Variants in LIN9 observed in about 807,000 individuals in gnomAD.
The protein encoded by LIN9 is protein lin-9 homolog.
LIN9 carries 18 observed loss-of-function variants against 78.0 expected under a neutral mutation model. That is an observed-to-expected ratio of 0.23 (90% CI 0.16 to 0.34). LIN9 has a LOEUF of 0.34. Among genes scored for constraint, LIN9 ranks in the 10% least tolerant of loss-of-function variants. The pLI is 1.00. For missense variants in LIN9, 451 were observed against 644.1 expected (o/e 0.70, Z 3.25); for synonymous variants, 192 against 215.2 (o/e 0.89, Z 0.94).
intron 6 of LIN9, among the ~76,000 whole-genome samples, chr1:226,280,788 A>G (rs186817432): frequency 1.3e-5 from 2 of 152,242 alleles, no homozygotes; most frequent in Admixed American, 6.5e-5. Context: ...ACAAACACAT[A>G]AACAAAAAAA....
chr1:226,266,080 A>C (rs1405038913), intron 9 of LIN9, 133 bp downstream of exon 9: 2 of 449,720 alleles, frequency 4.4e-6, no homozygotes, highest in Admixed American at 4.3e-5. Flanking sequence ...GCAACTATTT[A>C]TTTTATTTAA....
intron 8 of LIN9, among the ~76,000 whole-genome samples, chr1:226,267,422 C>CA (rs10679567): frequency 0.27 from 24,423 of 91,272 alleles, 3,626 homozygotes; most frequent in South Asian, 0.37. Context: ...GACTCCGTCT[C>CA]AAAAAAAAAA....
intron 10 of LIN9, among the ~76,000 whole-genome samples, chr1:226,259,992 C>G (rs1659465771): frequency 6.6e-6 from 1 of 151,718 alleles, no homozygotes; most frequent in African/African-American, 2.4e-5. Context: ...TTAAAAAGAT[C>G]AATGATACTG....
intron 7 of LIN9, among the ~76,000 whole-genome samples, chr1:226,269,316 G>A (rs999956495): frequency 2.0e-5 from 3 of 152,138 alleles, no homozygotes; most frequent in Non-Finnish European, 4.4e-5. Context: ...TGTAAATAAT[G>A]AAGCTGAGTA....
At chr1:226,255,779 G>A (rs1659150759) in intron 10 of LIN9, among the ~76,000 whole-genome samples, 1 of 151,662 alleles carries the variant, frequency 6.6e-6, no homozygotes, top group Non-Finnish European at 1.5e-5. Flanking sequence ...CTCAGAAGAG[G>A]ATATATTAAT....
chr1:226,271,192 A>C (rs1324742703), intron 7 of LIN9, among the ~76,000 whole-genome samples: 1 of 152,220 alleles, frequency 6.6e-6, no homozygotes, highest in African/African-American at 2.4e-5. Flanking sequence ...CTTCTCTACT[A>C]TTCAAATTTT....
intron 6 of LIN9, among the ~76,000 whole-genome samples, chr1:226,279,116 G>A (rs535279778): frequency 1.3e-5 from 2 of 151,724 alleles, no homozygotes; most frequent in South Asian, 2.1e-4. Flanking sequence ...AGCCAAGATC[G>A]TGCCACTGCG....
intron 11 of LIN9, among the ~76,000 whole-genome samples, chr1:226,245,029 T>G (rs1658377246): frequency 6.6e-6 from 1 of 152,184 alleles, no homozygotes; most frequent in Non-Finnish European, 1.5e-5. Context: ...ATCAAAGGAT[T>G]TGAGCATTTT....
intron 7 of LIN9, among the ~76,000 whole-genome samples, chr1:226,274,295 C>G (rs1660491569): frequency 6.6e-6 from 1 of 152,160 alleles, no homozygotes; most frequent in African/African-American, 2.4e-5. Context: ...TAAAAAAGTT[C>G]CTTTCAGTCT....
chr1:226,238,321 G>A (rs1657870542), intron 12 of LIN9, among the ~76,000 whole-genome samples: 1 of 152,108 alleles, frequency 6.6e-6, no homozygotes, highest in Non-Finnish European at 1.5e-5. Context: ...AAAAGACTAA[G>A]AAGAAATAAA....
At chr1:226,254,931 A>AG (rs1236157043) in intron 10 of LIN9, among the ~76,000 whole-genome samples, 2 of 151,450 alleles carry the variant, frequency 1.3e-5, no homozygotes, top group Admixed American at 6.6e-5. Flanking sequence ...AAAAAAAAAA[A>AG]AGTCAACGAC....
chr1:226,295,860 C>A lies in LIN9; in HGVS notation c.246G>T (p.Arg82Ser), dbSNP rs771126333. The change falls in exon 4 of 15, where the codon AGG (arginine) becomes AGT (serine). Residue 82 changes from arginine (R) to serine (S), a missense_variant. Physicochemically the swap from Arg to Ser is moderately radical, Grantham distance 110 (BLOSUM62 -1). Coordinates refer to ENST00000681046, the MANE Select transcript of LIN9 (RefSeq NM_001366245.2). ...INTRSPKRNQ[R>S]VAMVPQKFTA... The stretch of plus-strand genomic sequence containing the variant: ...CACATACCTGTGGAACCATTGCAAC[C>A]CTCTGGTTTCTTTTAGGTGACCTTG... 1 of 1,611,084 alleles carries A rather than the reference C, an allele frequency of 6.2e-7. No individual in the cohort carries two copies. Among genetic ancestry groups the A allele is most frequent in the Non-Finnish European group, 8.5e-7 (1 of 1,178,778 alleles).
intron 11 of LIN9, among the ~76,000 whole-genome samples, chr1:226,239,489 A>C (rs1657964240): frequency 6.6e-6 from 1 of 152,236 alleles, no homozygotes; most frequent in Non-Finnish European, 1.5e-5. Flanking sequence ...CTGTACCTGG[A>C]ATCAATTCAG....
chr1:226,232,438 A>G lies in LIN9; in HGVS notation c.*63T>C, dbSNP rs1258882205. Reference sequence around the variant, plus strand: ...TTAGGTTATTTGGTGTTGGAAGCCTATATAAAGGAAAAGAACTTCTCAAAA... The same window carrying G: ...TTAGGTTATTTGGTGTTGGAAGCCTGTATAAAGGAAAAGAACTTCTCAAAA... On this transcript the variant is annotated 3_prime_UTR_variant, in exon 15 of 15. Transcript: ENST00000681046. 2.7e-5 allele frequency: 29 copies of G among 1,091,432 alleles called. No individual in the cohort carries two copies. The highest frequency in any genetic ancestry group is 3.8e-5 in the Non-Finnish European group (28 of 730,218). 67.6% of individuals were successfully genotyped at this position (1,091,432 alleles called of 1,614,324 possible).
chr1:226,243,291 T>C (rs952626445), intron 11 of LIN9, among the ~76,000 whole-genome samples: 1 of 152,234 alleles, frequency 6.6e-6, no homozygotes, highest in African/African-American at 2.4e-5. Context: ...CCTATCAGAT[T>C]GCTAACAATT....
chr1:226,308,325 G>A (rs531448777), intron 1 of LIN9, among the ~76,000 whole-genome samples: 4 of 144,464 alleles, frequency 2.8e-5, no homozygotes, highest in Admixed American at 2.1e-4. Flanking sequence ...ATGGTTAGGG[G>A]AGGCAATGCC....
intron 2 of LIN9, among the ~76,000 whole-genome samples, chr1:226,299,324 T>G (rs913281078): frequency 6.6e-6 from 1 of 151,846 alleles, no homozygotes; most frequent in Non-Finnish European, 1.5e-5. Context: ...GCCAACATGA[T>G]GAAAACCCAT....
intron 1 of LIN9, among the ~76,000 whole-genome samples, chr1:226,301,595 T>G (rs866711626): frequency 2.0e-5 from 3 of 151,598 alleles, no homozygotes; most frequent in Non-Finnish European, 4.4e-5. Context: ...AGTAATGGAG[T>G]GGAAAAAAAC....
At chr1:226,263,888 A>ATCC (rs1471810698) in intron 10 of LIN9, among the ~76,000 whole-genome samples, 1 of 152,138 alleles carries the variant, frequency 6.6e-6, no homozygotes, top group African/African-American at 2.4e-5. Context: ...CCTAGGTAAC[A>ATCC]TAGTGAGACT....
Sources: gnomAD v4.1 joint callset for allele counts (sites outside exome capture counted in the v4.1 genomes callset) on GRCh38, gnomAD v4.1.1 for gene constraint, MANE v1.5 for transcripts, NCBI Gene and HGNC (gene_info 2026-07-23, HGNC 2026-07-21) for gene names.